The following GP6 variants were observed in gnomAD, a reference collection of about 807,000 sequenced individuals.
The protein encoded by GP6 is platelet glycoprotein VI.
Under a neutral mutation model 37.3 loss-of-function variants are expected in GP6, and 45 were observed. The observed-to-expected ratio is 1.21, with a 90% CI of 0.95 to 1.55. The LOEUF (loss-of-function observed/expected upper bound fraction) is 1.55. Ranked by LOEUF, GP6 falls within the 40% of genes most tolerant of loss-of-function variation. GP6 has a pLI of 0.00. For synonymous variants in GP6, 340 were observed against 316.4 expected, an observed-to-expected ratio of 1.07 and a Z score of -0.79; for missense variants, 813 against 760.2, an observed-to-expected ratio of 1.07 and a Z score of -0.82.
intron 1 of GP6, among the ~76,000 whole-genome samples, chr19:55,036,740 C>A (rs1040078779): frequency 1.3e-5 from 2 of 150,842 alleles, no homozygotes; most frequent in Non-Finnish European, 3.0e-5. Flanking sequence ...AGGCTGGGTG[C>A]GGTGGCTCAC....
At chr19:55,029,992 T>C (rs916137648) in intron 3 of GP6, among the ~76,000 whole-genome samples, 1 of 152,176 alleles carries the variant, frequency 6.6e-6, no homozygotes, top group Non-Finnish European at 1.5e-5. Context: ...TGAGGCACTC[T>C]CCTGGGATGT....
At chr19:55,019,699 A>G (rs2074007212) in intron 5 of GP6, among the ~76,000 whole-genome samples, 1 of 126,408 alleles carries the variant, frequency 7.9e-6, no homozygotes, top group Non-Finnish European at 1.6e-5. Context: ...TTTTTTTGAG[A>G]CAGAGTCTTA....
chr19:55,023,976 A>C (rs56267677), intron 5 of GP6, among the ~76,000 whole-genome samples: 115,540 of 151,764 alleles, frequency 0.76, 44,712 homozygotes, highest in Middle Eastern at 0.84. Flanking sequence ...ATAAAAGGGT[A>C]GCCCAAGGGA....
intron 1 of GP6, among the ~76,000 whole-genome samples, chr19:55,033,493 T>C (rs2074691584): frequency 7.5e-6 from 1 of 133,134 alleles, no homozygotes. Context: ...GGTGGGCTCG[T>C]TCGTGTTGTG....
intron 5 of GP6, among the ~76,000 whole-genome samples, chr19:55,022,016 T>G (rs1400397506): frequency 6.6e-6 from 1 of 152,068 alleles, no homozygotes; most frequent in Non-Finnish European, 1.5e-5. Context: ...TTCTTGTAAA[T>G]TTGTTTAACT....
chr19:55,034,527 G>A (rs1165927180), intron 1 of GP6, among the ~76,000 whole-genome samples: 3 of 151,468 alleles, frequency 2.0e-5, no homozygotes, highest in Non-Finnish European at 4.4e-5. Flanking sequence ...CTACACTCCA[G>A]CCTGGGCAAC....
rs759124753 is a variant in GP6 at position 55,027,779 on chromosome 19, G to A, written c.409C>T (p.Arg137Trp). ...AGAGCAAATTGGTCAAAGCCATACCGAGTCTGACACTGTAGGGTTACGTCC... is the reference window on the plus strand; with the variant it reads ...AGAGCAAATTGGTCAAAGCCATACCAAGTCTGACACTGTAGGGTTACGTCC... Residue 137 changes from arginine (R) to tryptophan (W), a missense_variant, in exon 4 of 8, where the codon CGG becomes TGG. Transcript: ENST00000310373. 2.5e-6 allele frequency: 4 copies of A among 1,613,750 alleles called. No individual in the cohort carries two copies. The highest frequency in any genetic ancestry group is 2.2e-5 in the South Asian group (2 of 91,074).
At chr19:55,016,884 C>T (rs1208977662) in intron 6 of GP6, among the ~76,000 whole-genome samples, 3 of 151,676 alleles carry the variant, frequency 2.0e-5, no homozygotes, top group Admixed American at 6.6e-5. Flanking sequence ...GGTGAAACCC[C>T]GTCTTTACTA....
At chr19:55,024,433 C>T (rs917793854) in intron 5 of GP6, among the ~76,000 whole-genome samples, 1 of 151,526 alleles carries the variant, frequency 6.6e-6, no homozygotes, top group Non-Finnish European at 1.5e-5. Flanking sequence ...TCACTCTGCC[C>T]TCAACCCCGC....
intron 3 of GP6, among the ~76,000 whole-genome samples, chr19:55,028,667 A>C (rs930322083): frequency 2.6e-5 from 4 of 152,218 alleles, no homozygotes; most frequent in Non-Finnish European, 4.4e-5. Context: ...ACATATTTTA[A>C]TTTAAAAATA....
intron 1 of GP6, among the ~76,000 whole-genome samples, chr19:55,036,950 G>T (rs1194834781): frequency 6.6e-6 from 1 of 152,164 alleles, no homozygotes; most frequent in Non-Finnish European, 1.5e-5. Flanking sequence ...GGCAGAGTTT[G>T]CAGTGAGCTG....
chr19:55,037,624 T>A (rs1249588879), intron 1 of GP6, among the ~76,000 whole-genome samples: 1 of 29,826 alleles, frequency 3.4e-5, no homozygotes, highest in African/African-American at 1.1e-4. Context: ...GCACTCAGCC[T>A]TTTTTTTTTT....
chr19:55,030,098 CT>C (rs1473229282), intron 3 of GP6, among the ~76,000 whole-genome samples: 2 of 152,142 alleles, frequency 1.3e-5, no homozygotes, highest in Admixed American at 1.3e-4. Flanking sequence ...TGTTTGAATA[CT>C]TTATTCCCCT....
chr19:55,017,231 C>G (rs953003848), intron 6 of GP6, among the ~76,000 whole-genome samples: 1 of 151,722 alleles, frequency 6.6e-6, no homozygotes, highest in African/African-American at 2.4e-5. Context: ...ATTCTCCTGC[C>G]TCAGCCTCCC....
chr19:55,025,151 G>C, intron 5 of GP6, 67 bp downstream of exon 5: 1 of 818,864 alleles, frequency 1.2e-6, no homozygotes, highest in South Asian at 1.4e-5. Flanking sequence ...TCTAGGCAGA[G>C]AGGAGAGAGA....
rs28969501 is a variant in GP6, at chr19:55,032,157, G to C, written c.307C>G (p.Leu103Val). 4.1e-3 allele frequency: 6,603 copies of C among 1,613,966 alleles called. 26 individuals are homozygous for C. Among genetic ancestry groups the C allele is most frequent in the Non-Finnish European group, 5.0e-3 (5,851 of 1,179,918 alleles). ...CCTTTACCCGTGGCAACGAGCTCCA[G>C]CTGGTCGCTGGGCAGGGACCAGAGG... The change falls in exon 3 of 8, where the codon CTG (leucine) becomes GTG (valine). Residue 103 changes from leucine (L) to valine (V), a missense_variant. Coordinates refer to ENST00000310373, the MANE Select transcript of GP6 (RefSeq NM_001083899.2).
At position 55,027,740 on chromosome 19, in the gene GP6, C is replaced by A. The variant is rs1171755793; in HGVS notation, c.448G>T (p.Asp150Tyr). ...TCGGGATTCTTGTAGGGCGCAGGGT[C>A]CCCTTCCTTGTACAGAGCAAATTGG... Residue 150 changes from aspartate (D) to tyrosine (Y), a missense_variant, in exon 4 of 8, where the codon GAC (aspartate) becomes TAC (tyrosine). Transcript: ENST00000310373. 1.9e-6 allele frequency: 3 copies of A among 1,613,766 alleles called. No individual in the cohort carries two copies. The highest frequency in any genetic ancestry group is 2.5e-6 in the Non-Finnish European group (3 of 1,179,758).
At position 55,032,008 on chromosome 19, in the gene GP6, TGTC is replaced by T. The variant is rs1432631758; in HGVS notation, c.325+128_325+130del. ...AATATTATTCACATTGATCCATAAA[TGTC>T]GTGGCACCACCACCCGCTAGGCCAG... On this transcript the variant is annotated intron_variant, in intron 3 of 7. Coordinates refer to ENST00000310373, the MANE Select transcript of GP6 (RefSeq NM_001083899.2). 701 of 850,560 alleles carry T rather than the reference TGTC, an allele frequency of 8.2e-4. 9 individuals carry two copies. In the South Asian group the frequency reaches 9.6e-3, roughly 12 times the overall value. 52.7% of individuals were successfully genotyped at this position (850,560 alleles called of 1,614,324 possible).
chr19:55,028,179 A>G (rs2040705396), intron 3 of GP6, among the ~76,000 whole-genome samples: 1 of 152,218 alleles, frequency 6.6e-6, no homozygotes, highest in Non-Finnish European at 1.5e-5. Flanking sequence ...ATGAGACAGT[A>G]CACAGTAATT....
Sources: gnomAD v4.1 joint callset for allele counts (sites outside exome capture counted in the v4.1 genomes callset) on GRCh38, gnomAD v4.1.1 for gene constraint, MANE v1.5 for transcripts, NCBI Gene and HGNC (gene_info 2026-07-23, HGNC 2026-07-21) for gene names.